Variants in TANC1 observed in about 807,000 individuals in gnomAD.
TANC1 encodes protein TANC1.
Under a neutral mutation model 149.7 loss-of-function variants are expected in TANC1, and 77 were observed. The observed-to-expected ratio is 0.51, with a 90% CI of 0.43 to 0.62. The LOEUF (loss-of-function observed/expected upper bound fraction) is 0.62. Ranked by LOEUF, TANC1 falls within the 20% of genes least tolerant of loss-of-function variation. The pLI is 0.00. For synonymous variants in TANC1, 854 were observed against 925.0 expected (o/e 0.92, Z 1.39); for missense variants, 1,985 against 2,321.8 (o/e 0.85, Z 2.98).
At chr2:159,125,994 G>C (rs1195568830) in intron 4 of TANC1, among the ~76,000 whole-genome samples, 2 of 152,146 alleles carry the variant, frequency 1.3e-5, no homozygotes, top group African/African-American at 4.8e-5. Context: ...ATGCCAGAAA[G>C]GTGGCTTCCT....
At chr2:159,128,050 G>A (rs1265058184) in intron 4 of TANC1, among the ~76,000 whole-genome samples, 1 of 152,224 alleles carries the variant, frequency 6.6e-6, no homozygotes, top group Non-Finnish European at 1.5e-5. Flanking sequence ...TAAGAGTGGT[G>A]TTAGGTGACT....
Position 159,202,949 on chromosome 2 carries a change from A to C in TANC1, c.3244+3896A>C, listed in dbSNP as rs560389823. ...CCAGAGATGCTTAGCTGGTGACCTC[A>C]TGCTGCTGTGGATTGGCAGAAGGAC... On this transcript the variant is annotated intron_variant, in intron 19 of 26. Transcript: ENST00000263635. Among the ~76,000 whole-genome samples the C allele has an allele frequency of 8.5e-5, 13 of 152,238 alleles. No homozygotes were observed. The East Asian group carries it at 2.5e-3, about 30-fold the overall frequency.
At chr2:159,131,666 A>G (rs879670607) in intron 4 of TANC1, among the ~76,000 whole-genome samples, 2 of 152,092 alleles carry the variant, frequency 1.3e-5, no homozygotes, top group African/African-American at 4.8e-5. Flanking sequence ...TCTTTTTGCT[A>G]CAACTTTAAT....
In TANC1 at chr2:159,219,218, A is replaced by C. The variant is rs1225704384; in HGVS notation, c.3379-20A>C. 6.2e-7 allele frequency: 1 copy of C among 1,613,792 alleles called. No individual in the cohort carries two copies. Among genetic ancestry groups the C allele is most frequent in the Non-Finnish European group, 8.5e-7 (1 of 1,179,742 alleles). ...TGGAAAATGCAGCAGGAGGATGGTA[A>C]TTCCAAATGTCTCTTCCAGATTGTT... is the stretch of plus-strand genomic sequence containing the variant. On this transcript the variant is annotated intron_variant, in intron 20 of 26. Coordinates refer to ENST00000263635, the MANE Select transcript of TANC1 (RefSeq NM_033394.3).
intron 5 of TANC1, among the ~76,000 whole-genome samples, chr2:159,146,785 C>T (rs2052162543): frequency 6.6e-6 from 1 of 152,098 alleles, no homozygotes; most frequent in Admixed American, 6.5e-5. Flanking sequence ...AGATGATCCA[C>T]CCGCCTCGGC....
intron 2 of TANC1, among the ~76,000 whole-genome samples, chr2:159,033,380 T>G (rs1329216122): frequency 6.6e-6 from 1 of 152,100 alleles, no homozygotes; most frequent in African/African-American, 2.4e-5. Context: ...GAATCGTAAA[T>G]GTATGACCGG....
Position 159,231,157 on chromosome 2 carries a change from G to A in TANC1, c.*145G>A. 3 of 624,998 alleles carry A rather than the reference G, an allele frequency of 4.8e-6. No individual in the cohort carries two copies. Among genetic ancestry groups the A allele is most frequent in the Non-Finnish European group, 8.2e-6 (3 of 365,016 alleles). 38.7% of individuals were successfully genotyped at this position (624,998 alleles called of 1,614,324 possible). On this transcript the variant is annotated 3_prime_UTR_variant, in exon 27 of 27. Coordinates refer to ENST00000263635, the MANE Select transcript of TANC1 (RefSeq NM_033394.3). ...CTGATGCCATTGATATATCTAAAAT[G>A]TGGGATAAAACTTCTTTAATAGCTA...
rs371231491 is a variant in TANC1, at chr2:159,219,722, G to T, written c.3533G>T (p.Gly1178Val). 2 of 1,614,104 alleles carry T rather than the reference G, an allele frequency of 1.2e-6. No individual in the cohort carries two copies. The highest frequency in any genetic ancestry group is 1.7e-6 in the Non-Finnish European group (2 of 1,180,054). The change falls in exon 22 of 27, where the codon GGT becomes GTT. Residue 1178 changes from glycine (G) to valine (V), a missense_variant. This residue lies in a region of TANC1 where 920 missense variants were observed against 994.7 expected (regional missense o/e 0.92). Transcript: ENST00000263635. ...GAALSSLDKE[G>V]LSALSWACLK... ...GCCCTTTCTTCTCTAGACAAAGAGG[G>T]TCTGTCAGCATTAAGCTGGGCTTGT...
At chr2:159,136,049 T>TGTGTGTGCGG in intron 4 of TANC1, 145 bp from the exon 5 acceptor site, 2 of 90,882 alleles carry the variant, frequency 2.2e-5, no homozygotes, top group Non-Finnish European at 4.2e-5. Flanking sequence ...TGTGTGTGTG[T>TGTGTGTGCGG]GCGCGCGCGC....
intron 1 of TANC1, among the ~76,000 whole-genome samples, chr2:158,985,938 G>A (rs777438078): frequency 3.3e-5 from 5 of 152,216 alleles, no homozygotes; most frequent in Non-Finnish European, 7.3e-5. Flanking sequence ...ACCGCACCCA[G>A]CTGACTGGGC....
chr2:159,161,600 C>A (rs1038616009), intron 7 of TANC1, among the ~76,000 whole-genome samples: 4 of 152,208 alleles, frequency 2.6e-5, no homozygotes, highest in African/African-American at 9.6e-5. Context: ...AGCAAACCTT[C>A]AGTAAATGCT....
In TANC1 at chr2:159,178,913, G is replaced by C; in HGVS notation, c.2260G>C (p.Ala754Pro). The stretch of plus-strand genomic sequence containing the variant: ...CATGACCCAGTCCGCCTTTGAGAGG[G>C]CACTTCCGATTCTCAACGTGGCCCT... Reference protein sequence around the residue: ...KFMTQSAFERALPILNVALAS... With the variant: ...KFMTQSAFERPLPILNVALAS... The change falls in exon 14 of 27, where the codon GCA (alanine) becomes CCA (proline). Residue 754 changes from alanine (A) to proline (P), a missense_variant. By Grantham distance (27) the Ala-to-Pro change is conservative. Around this residue, in one of 3 missense-constraint regions of TANC1, gnomAD observed 508 missense variants for 714.2 expected, o/e 0.71. Transcript: ENST00000263635. 6.2e-7 allele frequency: 1 copy of C among 1,614,182 alleles called. No individual in the cohort carries two copies.
chr2:159,091,099 G>A (rs893011685), intron 3 of TANC1, among the ~76,000 whole-genome samples: 1 of 151,924 alleles, frequency 6.6e-6, no homozygotes, highest in Non-Finnish European at 1.5e-5. Context: ...ACTATTTTTG[G>A]TTTTCCTTCT....
chr2:159,112,555 C>CTTT lies in TANC1; in HGVS notation c.259+14737_259+14739dup, dbSNP rs34643604. On this transcript the variant is annotated intron_variant, in intron 4 of 26. Transcript: ENST00000263635. ...ACAGGCGTGAGCCACTGCACCCAGC[C>CTTT]TTTTTTTTTTTTTTTTTTCTCGTTT... Among the ~76,000 whole-genome samples, 209 of 129,914 alleles carry CTTT rather than the reference C, an allele frequency of 1.6e-3. 2 individuals are homozygous for CTTT. The highest frequency in any genetic ancestry group is 1.6e-3 in the Non-Finnish European group (102 of 63,026). The allele number at this position is 129,914 out of a possible 152,430, so 85.2% of individuals were successfully genotyped here.
At chr2:159,209,899 C>G (rs915361947) in intron 19 of TANC1, among the ~76,000 whole-genome samples, 2 of 152,144 alleles carry the variant, frequency 1.3e-5, no homozygotes, top group Admixed American at 1.3e-4. Context: ...GACCCTGCTG[C>G]TTTCAATTAA....
At chr2:159,006,207 G>T (rs2037153992) in intron 2 of TANC1, among the ~76,000 whole-genome samples, 1 of 149,450 alleles carries the variant, frequency 6.7e-6, no homozygotes, top group African/African-American at 2.5e-5. Flanking sequence ...TGAGGCAGAA[G>T]ATCGCTTGAA....
rs559636258 is a variant in TANC1 at position 159,225,351 on chromosome 2, G to A, written c.3812-337G>A. The A allele has an allele frequency of 2.9e-5, 11 of 382,840 alleles. 1 individual carries two copies. Among genetic ancestry groups the A allele is most frequent in the Admixed American group, 7.9e-5 (2 of 25,390 alleles). 23.7% of individuals were successfully genotyped at this position (382,840 alleles called of 1,614,324 possible). A position where few individuals can be genotyped will look rare whatever the true frequency, so the allele number is the denominator to read the frequency against. On this transcript the variant is annotated intron_variant, in intron 23 of 26. Coordinates refer to ENST00000263635, the MANE Select transcript of TANC1 (RefSeq NM_033394.3). ...GCGTGCTGAGAACACATGCCTGCAC[G>A]GTGGCCGCTGCAGGAACTGAGGAGG...
At chr2:159,036,103 G>C (rs879930686) in intron 2 of TANC1, among the ~76,000 whole-genome samples, 11 of 152,158 alleles carry the variant, frequency 7.2e-5, no homozygotes, top group Non-Finnish European at 1.3e-4. Context: ...TATGAAAGGA[G>C]ACTTGGCTGA....
At chr2:159,107,078 T>G (rs1281344552) in intron 4 of TANC1, among the ~76,000 whole-genome samples, 1 of 152,204 alleles carries the variant, frequency 6.6e-6, no homozygotes, top group Non-Finnish European at 1.5e-5. Context: ...CCCAGGCTGG[T>G]GTGCAATGGT....
Sources: allele counts gnomAD v4.1 joint callset (sites outside exome capture counted in the v4.1 genomes callset), GRCh38; gene constraint gnomAD v4.1.1; regional missense constraint gnomAD v4.1.1; transcripts MANE v1.5; gene names NCBI Gene and HGNC (gene_info 2026-07-23, HGNC 2026-07-21).